PTPRN2: variants seen among roughly 807,000 people sequenced by gnomAD.
PTPRN2 encodes receptor-type tyrosine-protein phosphatase N2.
Under a neutral mutation model 118.8 loss-of-function variants are expected in PTPRN2, and 74 were observed. That is an observed-to-expected ratio of 0.62 (90% CI 0.52 to 0.76). The LOEUF is 0.76. Ranked by LOEUF, PTPRN2 falls within the 30% of genes least tolerant of loss-of-function variation. The probability of loss-of-function intolerance (pLI) is 0.00; values close to 1 mark genes in which losing one functional copy is unlikely to be tolerated. For synonymous variants in PTPRN2, 641 were observed against 608.0 expected (o/e 1.05, Z -0.80); for missense variants, 1,481 against 1,394.4 (o/e 1.06, Z -0.99).
intron 11 of PTPRN2, among the ~76,000 whole-genome samples, chr7:158,026,229 T>C (rs1378999008): frequency 1.3e-5 from 2 of 152,346 alleles, no homozygotes; most frequent in East Asian, 3.9e-4. Flanking sequence ...AGAATCAGTA[T>C]CTCTGCTACT....
intron 2 of PTPRN2, among the ~76,000 whole-genome samples, chr7:158,376,079 C>T (rs1223291560): frequency 6.6e-6 from 1 of 152,210 alleles, no homozygotes; most frequent in Non-Finnish European, 1.5e-5. Context: ...AGCACACCCA[C>T]CGCGGCTTTG....
At chr7:158,025,402 A>T (rs1222903207) in intron 11 of PTPRN2, among the ~76,000 whole-genome samples, 1 of 152,196 alleles carries the variant, frequency 6.6e-6, no homozygotes, top group Non-Finnish European at 1.5e-5. Flanking sequence ...TGACATCCCC[A>T]AGTCTCTCCT....
intron 5 of PTPRN2, among the ~76,000 whole-genome samples, chr7:158,168,330 G>A (rs1427461185): frequency 1.3e-5 from 2 of 152,208 alleles, no homozygotes; most frequent in Non-Finnish European, 2.9e-5. Context: ...GCAATGAGAG[G>A]AGCTGCTCCC....
chr7:158,463,742 C>G (rs1285955669), intron 2 of PTPRN2, among the ~76,000 whole-genome samples: 1 of 113,798 alleles, frequency 8.8e-6, no homozygotes. Context: ...ATTTAGTAAA[C>G]AATCACTTCA....
intron 2 of PTPRN2, among the ~76,000 whole-genome samples, chr7:158,368,313 C>T (rs754719216): frequency 5.9e-5 from 9 of 152,158 alleles, no homozygotes; most frequent in Non-Finnish European, 8.8e-5. Flanking sequence ...GGGAGGCCCC[C>T]GCTTGTGTTG....
chr7:157,582,347 A>G (rs1800434714), intron 17 of PTPRN2, among the ~76,000 whole-genome samples: 1 of 152,234 alleles, frequency 6.6e-6, no homozygotes, highest in African/African-American at 2.4e-5. Flanking sequence ...AAGGGATCTG[A>G]GCACACATTT....
chr7:158,225,334 G>A (rs1414687385), intron 3 of PTPRN2, among the ~76,000 whole-genome samples: 1 of 152,070 alleles, frequency 6.6e-6, no homozygotes, highest in Non-Finnish European at 1.5e-5. Context: ...GAGTCCCTCA[G>A]CAGGTGGATG....
At chr7:157,770,188 G>T (rs959897805) in intron 12 of PTPRN2, among the ~76,000 whole-genome samples, 2 of 152,222 alleles carry the variant, frequency 1.3e-5, no homozygotes, top group Admixed American at 1.3e-4. Context: ...TTAATCCAGT[G>T]AATTTAATTT....
chr7:158,039,007 C>T (rs2128888109), intron 11 of PTPRN2, among the ~76,000 whole-genome samples: 1 of 152,170 alleles, frequency 6.6e-6, no homozygotes, highest in East Asian at 1.9e-4. Flanking sequence ...TTATGGCCCT[C>T]CCCCTTTGGC....
At position 157,776,529 on chromosome 7, in the gene PTPRN2, T is replaced by TC. The variant is rs1341030250; in HGVS notation, c.1789-93593dup. ...CTCCTCCCTCTCCTTCTCCCTCTCCTCTCTCTCCTTCTCCCTCTCCTCCTC... is the reference window on the plus strand; with the variant it reads ...CTCCTCCCTCTCCTTCTCCCTCTCCTCCTCTCTCCTTCTCCCTCTCCTCCTC... On this transcript the variant is annotated intron_variant, in intron 12 of 22. Transcript: ENST00000389418. Among the ~76,000 whole-genome samples the TC allele has an allele frequency of 2.4e-3, 94 of 38,992 alleles. 2 individuals are homozygous for TC. The highest frequency in any genetic ancestry group is 7.5e-3 in the East Asian group (8 of 1,066). The allele number at this position is 38,992 out of a possible 152,430, so 25.6% of individuals were successfully genotyped here. A position where few individuals can be genotyped will look rare whatever the true frequency, so the allele number is the denominator to read the frequency against.
chr7:158,239,353 C>T (rs1165153911), intron 3 of PTPRN2, among the ~76,000 whole-genome samples: 1 of 152,210 alleles, frequency 6.6e-6, no homozygotes, highest in African/African-American at 2.4e-5. Context: ...TTGCAGCCAG[C>T]AAGGAGCCCG....
chr7:157,580,782 G>A (rs1459737863), intron 17 of PTPRN2, among the ~76,000 whole-genome samples: 5 of 11,386 alleles, frequency 4.4e-4, no homozygotes, highest in Non-Finnish European at 6.9e-4. Context: ...CTGCACACCC[G>A]AGCCCCTGCA....
chr7:158,327,397 TCA>T (rs533180530), intron 2 of PTPRN2, among the ~76,000 whole-genome samples: 5 of 146,198 alleles, frequency 3.4e-5, no homozygotes, highest in South Asian at 4.4e-4. Flanking sequence ...ACACACATGC[TCA>T]CACATGCTCA....
chr7:157,797,366 G>T (rs1804939183), intron 12 of PTPRN2, among the ~76,000 whole-genome samples: 1 of 152,200 alleles, frequency 6.6e-6, no homozygotes, highest in African/African-American at 2.4e-5. Context: ...TTCTCCTGAG[G>T]GTGATATTTA....
At chr7:158,319,545 TCA>T (rs1301416920) in intron 2 of PTPRN2, among the ~76,000 whole-genome samples, 1 of 53,006 alleles carries the variant, frequency 1.9e-5, no homozygotes. Context: ...ACAGCCTCCC[TCA>T]CACACACACG....
At chr7:158,066,722 T>C (rs546745210) in intron 11 of PTPRN2, among the ~76,000 whole-genome samples, 5 of 152,136 alleles carry the variant, frequency 3.3e-5, no homozygotes, top group African/African-American at 1.2e-4. Context: ...ACCCAGATTG[T>C]ATACTTTATG....
chr7:158,163,425 G>C (rs958163953), intron 6 of PTPRN2, among the ~76,000 whole-genome samples: 6 of 138,904 alleles, frequency 4.3e-5, no homozygotes, highest in African/African-American at 8.4e-5. Flanking sequence ...TATTCTCTGC[G>C]TGTTTCATAG....
chr7:158,575,057 T>C (rs1828251240), intron 1 of PTPRN2, among the ~76,000 whole-genome samples: 1 of 152,254 alleles, frequency 6.6e-6, no homozygotes, highest in African/African-American at 2.4e-5. Context: ...AGTAGCATCT[T>C]TTAATAGTCT....
intron 3 of PTPRN2, among the ~76,000 whole-genome samples, chr7:158,232,328 G>A (rs1236968115): frequency 6.6e-6 from 1 of 151,994 alleles, no homozygotes; most frequent in African/African-American, 2.4e-5. Flanking sequence ...ATAAACAACT[G>A]CATGCTAAGA....
Sources: gnomAD v4.1 joint callset for allele counts (sites outside exome capture counted in the v4.1 genomes callset) on GRCh38, gnomAD v4.1.1 for gene constraint, MANE v1.5 for transcripts, NCBI Gene and HGNC (gene_info 2026-07-23, HGNC 2026-07-21) for gene names.